The following BCHE variants were observed in gnomAD, a reference collection of about 807,000 sequenced individuals.
BCHE encodes the protein butyrylcholinesterase.
Under a neutral mutation model 51.3 loss-of-function variants are expected in BCHE, and 48 were observed. The ratio of observed to expected loss-of-function variants is 0.94; its 90% CI spans 0.74 to 1.19. The LOEUF is 1.19. BCHE is among the 50% of genes most tolerant of loss of function. BCHE has a pLI of 0.00. For synonymous variants in BCHE, 251 were observed against 238.0 expected, an observed-to-expected ratio of 1.05 and a Z score of -0.50; for missense variants, 847 against 708.2, an observed-to-expected ratio of 1.20 and a Z score of -2.23.
intron 2 of BCHE, among the ~76,000 whole-genome samples, chr3:165,796,046 A>C (rs1430508273): frequency 6.6e-6 from 1 of 152,142 alleles, no homozygotes; most frequent in African/African-American, 2.4e-5. Context: ...CAATGTGCTA[A>C]ACTTTCTAGG....
At chr3:165,807,618 C>T (rs1312867530) in intron 2 of BCHE, among the ~76,000 whole-genome samples, 2 of 151,710 alleles carry the variant, frequency 1.3e-5, no homozygotes, top group Non-Finnish European at 2.9e-5. Flanking sequence ...GTGGCATGAT[C>T]TTGGCTCATC....
chr3:165,805,216 A>G (rs1713825055), intron 2 of BCHE, among the ~76,000 whole-genome samples: 1 of 152,208 alleles, frequency 6.6e-6, no homozygotes, highest in Non-Finnish European at 1.5e-5. Flanking sequence ...ATATACATAT[A>G]TATGGCTCTA....
intron 2 of BCHE, among the ~76,000 whole-genome samples, chr3:165,791,722 G>A (rs1234567747): frequency 6.6e-6 from 1 of 152,150 alleles, no homozygotes; most frequent in Non-Finnish European, 1.5e-5. Context: ...GGAGGCCAAG[G>A]CAGGCGGATC....
chr3:165,830,303 A>C lies in BCHE; in HGVS notation c.731T>G (p.Leu244Trp). The C allele has an allele frequency of 6.2e-7, 1 of 1,614,030 alleles. No individual in the cohort carries two copies. Among genetic ancestry groups the C allele is most frequent in the South Asian group, 1.1e-5 (1 of 91,080 alleles). Residue 244 changes from leucine (L) to tryptophan (W), a missense_variant, in exon 2 of 4, where the codon TTG becomes TGG. Physicochemically the swap from Leu to Trp is moderately conservative, Grantham distance 61. Transcript: ENST00000264381. Reference sequence around the variant, plus strand: ...ACTTTGCAGAATGGCTCTGGTGAACAATGAATGGCTTCCAGGAGAAAGCAA... The same window carrying C: ...ACTTTGCAGAATGGCTCTGGTGAACCATGAATGGCTTCCAGGAGAAAGCAA... Reference protein sequence around the residue: ...LHLLSPGSHSLFTRAILQSGS... With the variant: ...LHLLSPGSHSWFTRAILQSGS...
chr3:165,829,453 C>T, intron 2 of BCHE, 64 bp downstream of exon 2: 1 of 1,392,748 alleles, frequency 7.2e-7, no homozygotes, highest in Non-Finnish European at 1.0e-6. Context: ...CCCCAGAGAC[C>T]AAGCAAAGCT....
rs762341786 is a variant in BCHE, at chr3:165,829,750, G to C, written c.1284C>G (p.Cys428Trp). The change falls in exon 2 of 4, where the codon TGC becomes TGG. Residue 428 changes from cysteine to tryptophan, a missense_variant. Physicochemically the swap from Cys to Trp is radical, Grantham distance 215. Coordinates refer to ENST00000264381, the MANE Select transcript of BCHE (RefSeq NM_000055.4). ...GDVVGDYNFI[C>W]PALEFTKKFS... is the part of the protein sequence containing the mutation. ...ACTTCTTGGTGAACTCCAAGGCAGGGCATATGAAATTATAATCCCCAACAA... is the reference window on the plus strand; with the variant it reads ...ACTTCTTGGTGAACTCCAAGGCAGGCCATATGAAATTATAATCCCCAACAA... 1.2e-6 allele frequency: 2 copies of C among 1,613,842 alleles called. No individual in the cohort carries two copies. The highest frequency in any genetic ancestry group is 1.7e-6 in the Non-Finnish European group (2 of 1,179,892).
At chr3:165,829,486 C>G (rs1395011239) in intron 2 of BCHE, 31 bp downstream of exon 2, 1 of 1,578,710 alleles carries the variant, frequency 6.3e-7, no homozygotes, top group Admixed American at 1.7e-5. Context: ...TCAAACCAAG[C>G]CAGAGAACAA....
chr3:165,829,744 G>C lies in BCHE; in HGVS notation c.1290C>G (p.Ala430=). The C allele has an allele frequency of 6.2e-7, 1 of 1,613,852 alleles. No individual in the cohort carries two copies. Among genetic ancestry groups the C allele is most frequent in the Non-Finnish European group, 8.5e-7 (1 of 1,179,884 alleles). Residue 430 remains alanine (A), a synonymous_variant, in exon 2 of 4, where the codon GCC becomes GCG. Transcript: ENST00000264381. ...CTGAGAACTTCTTGGTGAACTCCAA[G>C]GCAGGGCATATGAAATTATAATCCC... ...VVGDYNFICP[A]LEFTKKFSEW...
At chr3:165,788,957 A>T (rs574942702) in intron 2 of BCHE, among the ~76,000 whole-genome samples, 1 of 152,292 alleles carries the variant, frequency 6.6e-6, no homozygotes, top group Non-Finnish European at 1.5e-5. Flanking sequence ...AAATAACAAG[A>T]GAGACAATTC....
intron 2 of BCHE, among the ~76,000 whole-genome samples, chr3:165,821,582 TA>T (rs1714519002): frequency 6.6e-6 from 1 of 151,920 alleles, no homozygotes; most frequent in Non-Finnish European, 1.5e-5. Flanking sequence ...AAAATTACAT[TA>T]AAAACATTAG....
rs1165262583 is a variant in BCHE, at chr3:165,829,733, G to A, written c.1301C>T (p.Thr434Ile). ...YNFICPALEF[T>I]KKFSEWGNNA... ...ATTTCCCCATTCTGAGAACTTCTTGGTGAACTCCAAGGCAGGGCATATGAA... is the reference window on the plus strand; with the variant it reads ...ATTTCCCCATTCTGAGAACTTCTTGATGAACTCCAAGGCAGGGCATATGAA... The change falls in exon 2 of 4, where the codon ACC (threonine) becomes ATC (isoleucine). Residue 434 changes from threonine to isoleucine, a missense_variant. Coordinates refer to ENST00000264381, the MANE Select transcript of BCHE (RefSeq NM_000055.4). The A allele has an allele frequency of 6.2e-7, 1 of 1,613,822 alleles. No homozygotes were observed. Among genetic ancestry groups the A allele is most frequent in the South Asian group, 1.1e-5 (1 of 91,062 alleles).
intron 1 of BCHE, among the ~76,000 whole-genome samples, chr3:165,831,354 G>A (rs1165846105): frequency 6.6e-6 from 1 of 152,052 alleles, no homozygotes; most frequent in Non-Finnish European, 1.5e-5. Context: ...TGTTACTTCT[G>A]ACTATATGTA....
At chr3:165,832,785 T>C (rs1239396336) in intron 1 of BCHE, among the ~76,000 whole-genome samples, 2 of 152,122 alleles carry the variant, frequency 1.3e-5, no homozygotes, top group Non-Finnish European at 2.9e-5. Context: ...TTTGTATTAG[T>C]TTTGTCTTTG....
chr3:165,784,375 GC>G (rs1359247199), intron 3 of BCHE, among the ~76,000 whole-genome samples: 1 of 151,752 alleles, frequency 6.6e-6, no homozygotes, highest in Non-Finnish European at 1.5e-5. Context: ...ATTGTATCGT[GC>G]ATTTACTTCA....
At chr3:165,773,954 G>A (rs1712356827) in intron 3 of BCHE, among the ~76,000 whole-genome samples, 1 of 151,890 alleles carries the variant, frequency 6.6e-6, no homozygotes, top group Admixed American at 6.6e-5. Flanking sequence ...GTCATCCTTA[G>A]TATTTGTGGG....
intron 2 of BCHE, among the ~76,000 whole-genome samples, chr3:165,811,523 G>A (rs1714094721): frequency 6.6e-6 from 1 of 151,862 alleles, no homozygotes; most frequent in South Asian, 2.1e-4. Context: ...AACAGACAAT[G>A]GTAATGCTCT....
chr3:165,780,769 T>C (rs1362313523), intron 3 of BCHE, among the ~76,000 whole-genome samples: 2 of 152,152 alleles, frequency 1.3e-5, no homozygotes, highest in East Asian at 1.9e-4. Context: ...CAATAGATGC[T>C]GGTGAGGCTG....
intron 2 of BCHE, among the ~76,000 whole-genome samples, chr3:165,798,895 A>G (rs1286365194): frequency 1.3e-5 from 2 of 149,830 alleles, no homozygotes; most frequent in Non-Finnish European, 3.0e-5. Context: ...AACAAATAAT[A>G]AAAAAAAACT....
At chr3:165,833,816 T>C (rs1006458864) in intron 1 of BCHE, among the ~76,000 whole-genome samples, 11 of 152,058 alleles carry the variant, frequency 7.2e-5, no homozygotes, top group Non-Finnish European at 1.5e-5. Context: ...GAAAACATCC[T>C]CTGGGAAGAA....
Sources: gnomAD v4.1 joint callset for allele counts (sites outside exome capture counted in the v4.1 genomes callset) on GRCh38, gnomAD v4.1.1 for gene constraint, MANE v1.5 for transcripts, NCBI Gene and HGNC (gene_info 2026-07-23, HGNC 2026-07-21) for gene names.